KIF11: variants seen among roughly 807,000 people sequenced by gnomAD.
The protein encoded by KIF11 is kinesin family member 11.
In KIF11, 9 loss-of-function variants were observed where a neutral mutation model predicts 121.0. That is an observed-to-expected ratio of 0.07 (90% CI 0.04 to 0.13). KIF11 has a LOEUF of 0.13. Ranked by LOEUF, KIF11 falls within the 10% of genes least tolerant of loss-of-function variation. KIF11 has a pLI of 1.00. For synonymous variants in KIF11, 408 were observed against 421.0 expected (o/e 0.97, Z 0.38); for missense variants, 846 against 1,217.5 (o/e 0.69, Z 4.54).
intron 12 of KIF11, among the ~76,000 whole-genome samples, chr10:92,632,282 C>T (rs1333952585): frequency 2.6e-5 from 4 of 152,026 alleles, no homozygotes; most frequent in African/African-American, 7.2e-5. Context: ...ATTCTCCTGC[C>T]TCAGCCTCTT....
Position 92,649,965 on chromosome 10 carries a change from C to A in KIF11, c.2901C>A (p.Asn967Lys), listed in dbSNP as rs1486728863. The A allele has an allele frequency of 2.5e-6, 4 of 1,610,886 alleles. No homozygotes were observed. The highest frequency in any genetic ancestry group is 3.4e-6 in the Non-Finnish European group (4 of 1,177,984). Reference protein sequence around the residue: ...ELLMMLNCSENNKEETIPDVD... With the variant: ...ELLMMLNCSEKNKEETIPDVD... ...TAATGATGCTAAACTGTTCAGAAAA[C>A]AACAAAGAAGAGACAATTCCGGTAA... Residue 967 changes from asparagine to lysine, a missense_variant, in exon 20 of 22, where the codon AAC becomes AAA. Asn to Lys is a moderately conservative substitution (Grantham distance 94). Coordinates refer to ENST00000260731, the MANE Select transcript of KIF11 (RefSeq NM_004523.4).
At chr10:92,597,887 G>T (rs1023244171) in intron 1 of KIF11, among the ~76,000 whole-genome samples, 28 of 152,102 alleles carry the variant, frequency 1.8e-4, no homozygotes, top group Admixed American at 1.6e-3. Context: ...CTGATCTCAG[G>T]TGATCCGTCC....
chr10:92,606,846 C>T (rs1209214418), intron 3 of KIF11, 130 bp downstream of exon 3: 18 of 667,636 alleles, frequency 2.7e-5, no homozygotes, highest in South Asian at 7.0e-5. Flanking sequence ...GGCGCGATCT[C>T]GGCTCACTGC....
At chr10:92,630,119 T>C (rs549342868) in intron 11 of KIF11, 57 bp from the exon 12 acceptor site, 8 of 876,474 alleles carry the variant, frequency 9.1e-6, no homozygotes, top group Admixed American at 7.0e-5. Context: ...TCTAATCTTA[T>C]GAACTAGCTA....
Position 92,649,938 on chromosome 10 carries a change from G to A in KIF11, c.2874G>A (p.Leu958=). ...AGCTGAAAAGGAAACAGCCTGAGCT[G>A]TTAATGATGCTAAACTGTTCAGAAA... is the stretch of plus-strand genomic sequence containing the variant. ...LDQLKRKQPE[L]LMMLNCSENN... The change falls in exon 20 of 22, where the codon CTG becomes CTA. Residue 958 remains leucine, a synonymous_variant. Transcript: ENST00000260731. 2 of 1,613,646 alleles carry A rather than the reference G, an allele frequency of 1.2e-6. No homozygotes were observed. Among genetic ancestry groups the A allele is most frequent in the Non-Finnish European group, 1.7e-6 (2 of 1,179,618 alleles).
intron 14 of KIF11, among the ~76,000 whole-genome samples, chr10:92,634,244 A>T (rs545403141): frequency 6.6e-6 from 1 of 151,792 alleles, no homozygotes; most frequent in Non-Finnish European, 1.5e-5. Flanking sequence ...CGGCCTCCCA[A>T]AGTGCTGGGA....
intron 16 of KIF11, 115 bp from the exon 17 acceptor site, chr10:92,639,679 C>T (rs1328003106): frequency 3.3e-6 from 2 of 599,080 alleles, no homozygotes; most frequent in African/African-American, 3.8e-5. Flanking sequence ...TATCTCTTGT[C>T]AAGAATTTAT....
chr10:92,597,621 C>CT (rs924732371), intron 1 of KIF11, among the ~76,000 whole-genome samples: 14 of 149,302 alleles, frequency 9.4e-5, no homozygotes, highest in East Asian at 7.8e-4. Context: ...AAGATAAAGT[C>CT]TTTTTTTTTC....
At chr10:92,595,789 C>T (rs946800056) in intron 1 of KIF11, among the ~76,000 whole-genome samples, 2 of 152,140 alleles carry the variant, frequency 1.3e-5, no homozygotes, top group South Asian at 4.1e-4. Flanking sequence ...ATTTTGACTA[C>T]TCTAAGTACT....
intron 16 of KIF11, 88 bp downstream of exon 16, chr10:92,637,633 C>A: frequency 2.3e-6 from 3 of 1,294,498 alleles, no homozygotes; most frequent in South Asian, 2.8e-5. Flanking sequence ...GTTACACAAT[C>A]TGAATACTGT....
At chr10:92,615,174 T>C (rs1354114423) in intron 8 of KIF11, among the ~76,000 whole-genome samples, 1 of 151,894 alleles carries the variant, frequency 6.6e-6, no homozygotes, top group East Asian at 1.9e-4. Flanking sequence ...GAGGCTGAGG[T>C]GAGTGGATCA....
At chr10:92,606,529 G>A (rs763302428) in intron 2 of KIF11, 90 bp from the exon 3 acceptor site, 18 of 1,115,660 alleles carry the variant, frequency 1.6e-5, no homozygotes, top group Non-Finnish European at 2.2e-5. Flanking sequence ...CTAGTGGGCT[G>A]AATTATGAAT....
rs1175303233 is a variant in KIF11, at chr10:92,651,507, G to GTTTTTTTT, written c.3039+1024_3039+1031dup. Among the ~76,000 whole-genome samples the GTTTTTTTT allele has an allele frequency of 6.8e-4, 36 of 52,972 alleles. 5 individuals carry two copies. The highest frequency in any genetic ancestry group is 9.2e-4 in the East Asian group (1 of 1,084). The allele number at this position is 52,972 out of a possible 152,430, so 34.8% of individuals were successfully genotyped here. ...TGTGCCACCATGCCTGGCTAATTTT[G>GTTTTTTTT]TTTTTTTTTTTTTTTTTTTTTTTTT... On this transcript the variant is annotated intron_variant, in intron 21 of 21. Transcript: ENST00000260731.
intron 21 of KIF11, among the ~76,000 whole-genome samples, chr10:92,651,413 G>T (rs1056117664): frequency 7.5e-6 from 1 of 133,154 alleles, no homozygotes; most frequent in Non-Finnish European, 1.6e-5. Context: ...TTGGCTCACC[G>T]CAACTTCCAC....
intron 17 of KIF11, among the ~76,000 whole-genome samples, chr10:92,640,431 T>A (rs192300326): frequency 3.4e-4 from 52 of 152,258 alleles, no homozygotes; most frequent in African/African-American, 1.2e-3. Context: ...TTTTGTTTTT[T>A]GTTTTTGTTT....
intron 16 of KIF11, 32 bp downstream of exon 16, chr10:92,637,577 A>C: frequency 1.3e-6 from 2 of 1,575,986 alleles, no homozygotes; most frequent in Middle Eastern, 3.3e-4. Flanking sequence ...GGGAGTACAG[A>C]AAGAGAGTTT....
chr10:92,616,858 T>C (rs748126347), intron 9 of KIF11, 26 bp downstream of exon 9: 5 of 1,227,382 alleles, frequency 4.1e-6, no homozygotes, highest in Non-Finnish European at 5.8e-6. Flanking sequence ...TGTAGAGTAA[T>C]GTAATCTTGT....
At chr10:92,620,147 C>T (rs1383862635) in intron 9 of KIF11, among the ~76,000 whole-genome samples, 1 of 142,588 alleles carries the variant, frequency 7.0e-6, no homozygotes, top group East Asian at 2.1e-4. Context: ...GTGGTGCCAT[C>T]TCGGCTCACT....
At chr10:92,597,327 A>G (rs1844308892) in intron 1 of KIF11, 2 of 196,392 alleles carry the variant, frequency 1.0e-5, no homozygotes, top group Non-Finnish European at 1.1e-5. Flanking sequence ...GCAGTGGCAC[A>G]GTCTCGGCTC....
Sources: allele counts gnomAD v4.1 joint callset (sites outside exome capture counted in the v4.1 genomes callset), GRCh38; gene constraint gnomAD v4.1.1; transcripts MANE v1.5; gene names NCBI Gene and HGNC (gene_info 2026-07-23, HGNC 2026-07-21).